Variants in ARHGAP40 observed in about 807,000 individuals in gnomAD.
The protein encoded by ARHGAP40 is Rho GTPase activating protein 40.
Under a neutral mutation model 73.5 loss-of-function variants are expected in ARHGAP40, and 43 were observed. The ratio of observed to expected loss-of-function variants is 0.58; its 90% CI spans 0.46 to 0.75. The LOEUF (loss-of-function observed/expected upper bound fraction) is 0.75. Ranked by LOEUF, ARHGAP40 falls within the 30% of genes least tolerant of loss-of-function variation. The pLI is 0.00. For missense variants in ARHGAP40, 734 were observed against 861.8 expected, an observed-to-expected ratio of 0.85 and a Z score of 1.86; for synonymous variants, 300 against 352.8, an observed-to-expected ratio of 0.85 and a Z score of 1.68.
intron 10 of ARHGAP40, among the ~76,000 whole-genome samples, chr20:38,642,665 A>G (rs1165286303): frequency 8.3e-6 from 1 of 120,868 alleles, no homozygotes; most frequent in Non-Finnish European, 1.7e-5. Context: ...TCCTTCCACC[A>G]CCCATTTATT....
chr20:38,639,242 C>T (rs1369348225), exon 9 of ARHGAP40: 2 of 1,305,354 alleles, frequency 1.5e-6, no homozygotes, highest in Non-Finnish European at 1.0e-6. Flanking sequence ...GGAACAGAAA[C>T]TGGAGAGAGA....
At chr20:38,630,779 G>A (rs1457697347) in intron 5 of ARHGAP40, among the ~76,000 whole-genome samples, 7 of 152,032 alleles carry the variant, frequency 4.6e-5, no homozygotes, top group South Asian at 4.2e-4. Context: ...CTCAGTGCCC[G>A]CATGCCCTTC....
chr20:38,608,660 G>A lies in ARHGAP40; in HGVS notation c.137+6581G>A, dbSNP rs150718508. 3.9e-3 allele frequency among the ~76,000 whole-genome samples: 599 copies of A among 152,294 alleles called. 1 individual carries two copies. Among genetic ancestry groups the A allele is most frequent in the Non-Finnish European group, 6.1e-3 (412 of 68,032 alleles). On this transcript the variant is annotated intron_variant, in intron 1 of 14. Transcript: ENST00000373345. ...GGTCCTTAGCCACTATAGTGGCTAAGGTGACTTAGGGCCACAAATTTAGTG... is the reference window on the plus strand; with the variant it reads ...GGTCCTTAGCCACTATAGTGGCTAAAGTGACTTAGGGCCACAAATTTAGTG...
intron 2 of ARHGAP40, among the ~76,000 whole-genome samples, chr20:38,624,317 A>AAG (rs1491050813): frequency 6.6e-6 from 1 of 152,096 alleles, no homozygotes; most frequent in Admixed American, 6.5e-5. Context: ...GCACAAGACC[A>AAG]AGAGAGAGAG....
chr20:38,648,821 GTC>G (rs2089070767), intron 14 of ARHGAP40, 123 bp downstream of exon 14: 2 of 696,420 alleles, frequency 2.9e-6, no homozygotes, highest in African/African-American at 3.8e-5. Flanking sequence ...CTCCCTTCAG[GTC>G]TCTGTCTTCA....
chr20:38,641,142 C>A (rs554592486), intron 9 of ARHGAP40, among the ~76,000 whole-genome samples: 1 of 152,010 alleles, frequency 6.6e-6, no homozygotes. Context: ...GGGTCGCAGG[C>A]CTGGCGCCCA....
At chr20:38,612,530 TG>T (rs548876213) in intron 1 of ARHGAP40, among the ~76,000 whole-genome samples, 1 of 152,034 alleles carries the variant, frequency 6.6e-6, no homozygotes, top group Non-Finnish European at 1.5e-5. Context: ...AAAAATTAGC[TG>T]GGCATGGTGG....
At chr20:38,627,608 T>C (rs1353349025) in intron 3 of ARHGAP40, among the ~76,000 whole-genome samples, 1 of 119,422 alleles carries the variant, frequency 8.4e-6, no homozygotes. Flanking sequence ...TGCGTTGGTG[T>C]GTGTGTGTTG....
intron 1 of ARHGAP40, among the ~76,000 whole-genome samples, chr20:38,622,165 T>A (rs1195067975): frequency 6.6e-6 from 1 of 151,998 alleles, no homozygotes; most frequent in Non-Finnish European, 1.5e-5. Flanking sequence ...TCCAAATGAG[T>A]CTTGTTTTTT....
At chr20:38,649,531 C>G (rs1568613523) in intron 14 of ARHGAP40, among the ~76,000 whole-genome samples, 1 of 151,636 alleles carries the variant, frequency 6.6e-6, no homozygotes, top group Non-Finnish European at 1.5e-5. Flanking sequence ...CTGTGTCCGT[C>G]AGTCATCGAC....
chr20:38,624,914 G>T (rs2088891219), intron 2 of ARHGAP40, among the ~76,000 whole-genome samples: 1 of 152,220 alleles, frequency 6.6e-6, no homozygotes, highest in Admixed American at 6.5e-5. Flanking sequence ...CTTCCATGAG[G>T]CCAGGGACAT....
chr20:38,627,256 G>A (rs772119398), intron 3 of ARHGAP40, 41 bp downstream of exon 3: 49 of 1,293,660 alleles, frequency 3.8e-5, no homozygotes, highest in Non-Finnish European at 4.8e-5. Flanking sequence ...GTCTGACTGG[G>A]ATCTCTGTGC....
At chr20:38,616,872 A>G (rs986258307) in intron 1 of ARHGAP40, among the ~76,000 whole-genome samples, 25 of 152,230 alleles carry the variant, frequency 1.6e-4, no homozygotes, top group Admixed American at 4.6e-4. Flanking sequence ...AGTGCACAGG[A>G]CAGCCCTCCT....
intron 5 of ARHGAP40, among the ~76,000 whole-genome samples, chr20:38,631,796 C>A (rs1220666153): frequency 1.3e-5 from 2 of 152,138 alleles, no homozygotes; most frequent in Non-Finnish European, 2.9e-5. Context: ...CTGCAGTAGC[C>A]TCTATTCCAA....
intron 2 of ARHGAP40, among the ~76,000 whole-genome samples, chr20:38,625,461 C>A (rs927292970): frequency 1.3e-5 from 2 of 152,008 alleles, no homozygotes; most frequent in African/African-American, 4.8e-5. Context: ...CTCTGTCACC[C>A]AGACTGGGGT....
intron 5 of ARHGAP40, among the ~76,000 whole-genome samples, chr20:38,631,275 C>T (rs2088936252): frequency 6.8e-6 from 1 of 147,546 alleles, no homozygotes; most frequent in Non-Finnish European, 1.5e-5. Context: ...TGCACCACTG[C>T]TCTCCAGCCT....
intron 3 of ARHGAP40, among the ~76,000 whole-genome samples, 153 bp downstream of exon 3, chr20:38,627,368 G>A (rs547180783): frequency 6.6e-6 from 1 of 151,586 alleles, no homozygotes; most frequent in Admixed American, 6.6e-5. Context: ...GTTGGTGTCT[G>A]TGTGTTGGTG....
At position 38,630,082 on chromosome 20, in the gene ARHGAP40, T is replaced by TTCTTTCTTTCTTTC. The variant is rs1263777387; in HGVS notation, c.783+433_783+434insCTTTCTTTCTTTCT. ...CTTTTTTCTTTCTTTCTTTCTTTCTTTTTCTTTCTTTCTTTCTTTGTTTTT... is the reference window on the plus strand; with the variant it reads ...CTTTTTTCTTTCTTTCTTTCTTTCTTTCTTTCTTTCTTTCTTTCTTTCTTTCTTTCTTTGTTTTT... On this transcript the variant is annotated intron_variant, in intron 5 of 14. Transcript: ENST00000373345. Among the ~76,000 whole-genome samples, 195 of 90,752 alleles carry TTCTTTCTTTCTTTC rather than the reference T, an allele frequency of 2.1e-3. 2 individuals carry two copies. Among genetic ancestry groups the TTCTTTCTTTCTTTC allele is most frequent in the African/African-American group, 5.8e-3 (184 of 31,620 alleles). 59.5% of individuals were successfully genotyped at this position (90,752 alleles called of 152,430 possible). A position where few individuals can be genotyped will look rare whatever the true frequency, so the allele number is the denominator to read the frequency against.
intron 5 of ARHGAP40, among the ~76,000 whole-genome samples, chr20:38,631,302 C>G (rs964886851): frequency 9.2e-6 from 1 of 108,762 alleles, no homozygotes; most frequent in Admixed American, 9.9e-5. Context: ...CAGAGCAAGA[C>G]CTAAAAAAAA....
Sources: allele counts gnomAD v4.1 joint callset (sites outside exome capture counted in the v4.1 genomes callset), GRCh38; gene constraint gnomAD v4.1.1; transcripts MANE v1.5; gene names NCBI Gene and HGNC (gene_info 2026-07-23, HGNC 2026-07-21).